BEND6: variants seen among roughly 807,000 people sequenced by gnomAD.
The protein encoded by BEND6 is BEN domain-containing protein 6.
A neutral mutation model predicts 31.8 loss-of-function variants in BEND6; 24 were observed. The ratio of observed to expected loss-of-function variants is 0.75; its 90% CI spans 0.55 to 1.06. The LOEUF (loss-of-function observed/expected upper bound fraction) is 1.06. BEND6 is among the 50% of genes least tolerant of loss of function. The pLI, the probability that BEND6 is intolerant of heterozygous loss-of-function variation, is 0.00. For synonymous variants in BEND6, 109 were observed against 114.6 expected (o/e 0.95, Z 0.31); for missense variants, 294 against 327.4 (o/e 0.90, Z 0.79).
chr6:56,988,773 A>G (rs1826382165), intron 2 of BEND6, among the ~76,000 whole-genome samples: 1 of 152,190 alleles, frequency 6.6e-6, no homozygotes, highest in African/African-American at 2.4e-5. Flanking sequence ...TCATGCCTGT[A>G]ATCCCAGCAC....
chr6:57,013,224 C>G (rs1299916294), intron 3 of BEND6, among the ~76,000 whole-genome samples: 2 of 152,196 alleles, frequency 1.3e-5, no homozygotes, highest in African/African-American at 2.4e-5. Context: ...AAACCACCCT[C>G]ATATTCAATA....
At chr6:56,994,332 A>G (rs1826620162) in intron 3 of BEND6, among the ~76,000 whole-genome samples, 1 of 151,630 alleles carries the variant, frequency 6.6e-6, no homozygotes, top group African/African-American at 2.4e-5. Flanking sequence ...GGTGGCGGGC[A>G]CCTGTAGTCC....
chr6:56,998,011 A>T (rs942367422), intron 3 of BEND6, among the ~76,000 whole-genome samples: 1 of 152,178 alleles, frequency 6.6e-6, no homozygotes, highest in African/African-American at 2.4e-5. Flanking sequence ...GTTAAAAAAC[A>T]TACAAAAGAT....
chr6:57,013,972 G>A (rs1827438364), intron 3 of BEND6: 2 of 152,312 alleles, frequency 1.3e-5, no homozygotes, highest in African/African-American at 4.8e-5. Flanking sequence ...TTTGACTCTG[G>A]ACAAATTACT....
chr6:56,962,947 T>C lies in BEND6; in HGVS notation c.-101+7487T>C, dbSNP rs148500059. On this transcript the variant is annotated intron_variant, in intron 1 of 6. Coordinates refer to ENST00000370746, the MANE Select transcript of BEND6 (RefSeq NM_152731.3). ...TATTGAGTATCTACTCTCTGCTAAA[T>C]GCTTTACGTGCATTTACTCATTCAA... Among the ~76,000 whole-genome samples the C allele has an allele frequency of 6.3e-3, 957 of 152,322 alleles. 39 individuals are homozygous for C. The highest frequency in any genetic ancestry group is 0.057 in the Admixed American group (875 of 15,296).
At chr6:57,004,748 C>T in intron 3 of BEND6, 7 of 1,191,616 alleles carry the variant, frequency 5.9e-6, no homozygotes, top group African/African-American at 1.5e-5. Flanking sequence ...TGTGACTTCA[C>T]TGAGACACAT....
At chr6:57,008,895 A>G (rs1827254612) in intron 3 of BEND6, 3 of 152,266 alleles carry the variant, frequency 2.0e-5, no homozygotes. Flanking sequence ...AGTGTCCAAC[A>G]ACAGATGAAT....
intron 6 of BEND6, among the ~76,000 whole-genome samples, chr6:57,024,714 T>A (rs1449959389): frequency 3.9e-5 from 6 of 152,350 alleles, no homozygotes; most frequent in African/African-American, 1.4e-4. Flanking sequence ...TGTTTGGTGT[T>A]CTCTGACCTT....
At chr6:56,969,062 A>G (rs1390275945) in intron 1 of BEND6, among the ~76,000 whole-genome samples, 2 of 151,110 alleles carry the variant, frequency 1.3e-5, no homozygotes, top group Non-Finnish European at 3.0e-5. Context: ...AGACAGAGTC[A>G]GACTCTGTCT....
At chr6:57,022,584 C>T (rs1827784864) in intron 6 of BEND6, among the ~76,000 whole-genome samples, 1 of 151,768 alleles carries the variant, frequency 6.6e-6, no homozygotes, top group Non-Finnish European at 1.5e-5. Context: ...TTTTTTCTTT[C>T]ATTGATCTGG....
chr6:57,022,004 T>C (rs943632763), intron 6 of BEND6, among the ~76,000 whole-genome samples: 1 of 152,144 alleles, frequency 6.6e-6, no homozygotes, highest in Non-Finnish European at 1.5e-5. Context: ...GGTTTGCTAG[T>C]ATTTTGTTGA....
At chr6:57,011,166 G>T (rs1295485805) in intron 3 of BEND6, among the ~76,000 whole-genome samples, 1 of 152,080 alleles carries the variant, frequency 6.6e-6, no homozygotes, top group Non-Finnish European at 1.5e-5. Flanking sequence ...AATGTACTAA[G>T]ATTATAACCT....
chr6:56,990,022 T>A (rs1826432178), intron 2 of BEND6, among the ~76,000 whole-genome samples: 1 of 152,150 alleles, frequency 6.6e-6, no homozygotes, highest in South Asian at 2.1e-4. Context: ...CTTAAACTTT[T>A]GTTTTTGATG....
chr6:56,974,950 A>AT (rs550819463), intron 1 of BEND6, among the ~76,000 whole-genome samples: 2 of 152,074 alleles, frequency 1.3e-5, no homozygotes, highest in Admixed American at 1.3e-4. Context: ...GTGAAACCCC[A>AT]TCCCTACAAA....
At position 57,018,534 on chromosome 6, in the gene BEND6, C is replaced by T. The variant is rs1392778029; in HGVS notation, c.826C>T (p.Gln276Ter). Reference protein sequence around the residue: ...KPNLSKNLNSQDIK With the variant: ...KPNLSKNLNS ...AAATTTAAGCAAAAATCTTAACTCT[C>T]AGGATATTAAATAGATCCTTTTGGT... Residue 276 changes from glutamine (Q) to a stop codon, truncating the protein, a stop_gained, in exon 6 of 7, where the codon CAG becomes TAG. Transcript: ENST00000370746. LOFTEE classifies it high-confidence loss of function. 6.4e-7 allele frequency: 1 copy of T among 1,564,940 alleles called. No homozygotes were observed. Among genetic ancestry groups the T allele is most frequent in the South Asian group, 1.2e-5 (1 of 81,358 alleles).
Position 56,965,676 on chromosome 6 carries a change from T to TTATATATA in BEND6, c.-101+10236_-101+10243dup, listed in dbSNP as rs35074783. ...GATCCTGTCACACACACAAAAAAATTTATATATATATATATATATATATAT... is the reference window on the plus strand; with the variant it reads ...GATCCTGTCACACACACAAAAAAATTTATATATATATATATATATATATATATATATAT... On this transcript the variant is annotated intron_variant, in intron 1 of 6. Transcript: ENST00000370746. Among the ~76,000 whole-genome samples, 804 of 136,528 alleles carry TTATATATA rather than the reference T, an allele frequency of 5.9e-3. 8 individuals are homozygous for TTATATATA. The highest frequency in any genetic ancestry group is 0.019 in the Middle Eastern group (5 of 262). 89.6% of individuals were successfully genotyped at this position (136,528 alleles called of 152,430 possible).
rs1827636253 is a variant in BEND6, at chr6:57,018,432, C to T, written c.724C>T (p.Gln242Ter). 2 of 1,581,868 alleles carry T rather than the reference C, an allele frequency of 1.3e-6. No homozygotes were observed. Among genetic ancestry groups the T allele is most frequent in the Middle Eastern group, 3.3e-4 (2 of 6,000 alleles). Residue 242 changes from glutamine to a stop codon, truncating the protein, a stop_gained, in exon 6 of 7, where the codon CAA becomes TAA. Coordinates refer to ENST00000370746, the MANE Select transcript of BEND6 (RefSeq NM_152731.3). LOFTEE classifies it high-confidence loss of function. Reference sequence around the variant, plus strand: ...TTGGTTTTTTACAGGAGTAACAAAACAATTATTTCCCAATACGGATGATGT... The same window carrying T: ...TTGGTTTTTTACAGGAGTAACAAAATAATTATTTCCCAATACGGATGATGT... ...EVQEIIGVTKQLFPNTDDVSI... is the reference protein window; with the variant it reads ...EVQEIIGVTK
chr6:57,022,332 A>G (rs1197628764), intron 6 of BEND6, among the ~76,000 whole-genome samples: 1 of 151,524 alleles, frequency 6.6e-6, no homozygotes, highest in African/African-American at 2.4e-5. Context: ...GAAGTTTTCT[A>G]TTTCTTCATG....
chr6:57,008,322 A>G, intron 3 of BEND6: 1 of 690,836 alleles, frequency 1.4e-6, no homozygotes, highest in Admixed American at 2.1e-5. Flanking sequence ...CAGGTTGGGC[A>G]GAAGCCCATG....
Sources: gnomAD v4.1 joint callset for allele counts (sites outside exome capture counted in the v4.1 genomes callset) on GRCh38, gnomAD v4.1.1 for gene constraint, MANE v1.5 for transcripts, NCBI Gene and HGNC (gene_info 2026-07-23, HGNC 2026-07-21) for gene names.